The following C1QTNF3 variants were observed in gnomAD, a reference collection of about 807,000 sequenced individuals.
C1QTNF3 encodes the protein complement C1q tumor necrosis factor-related protein 3.
C1QTNF3 carries 26 observed loss-of-function variants against 32.6 expected under a neutral mutation model. That is an observed-to-expected ratio of 0.80 (90% CI 0.58 to 1.11). The LOEUF (loss-of-function observed/expected upper bound fraction) is 1.11. Among genes scored for constraint, C1QTNF3 ranks in the 50% least tolerant of loss-of-function variants. The pLI, the probability that C1QTNF3 is intolerant of heterozygous loss-of-function variation, is 0.00. For missense variants in C1QTNF3, 362 were observed against 398.2 expected (o/e 0.91, Z 0.77); for synonymous variants, 155 against 146.0 (o/e 1.06, Z -0.44).
chr5:34,170,159 T>C, the C1QTNF3 span, among the ~76,000 whole-genome samples: 17 of 152,268 alleles, frequency 1.1e-4, no homozygotes, highest in African/African-American at 3.8e-4. Context: ...AGGGATCTTA[T>C]GCTAAGTGAA....
the C1QTNF3 span, chr5:34,175,954 G>A: frequency 3.9e-5 from 32 of 826,394 alleles, no homozygotes; most frequent in Middle Eastern, 6.9e-4. Flanking sequence ...ATCAGAGGTG[G>A]ATCCTGGGAA....
the C1QTNF3 span, among the ~76,000 whole-genome samples, chr5:34,064,456 A>C: frequency 7.0e-4 from 107 of 152,278 alleles, no homozygotes; most frequent in African/African-American, 2.5e-3. Context: ...TGAGTGTTAT[A>C]GCTCTATTAG....
chr5:34,212,231 T>C, the C1QTNF3 span, among the ~76,000 whole-genome samples: 1 of 151,716 alleles, frequency 6.6e-6, no homozygotes, highest in East Asian at 1.9e-4. Context: ...ATCCCTTCCT[T>C]ACACCTTATA....
the C1QTNF3 span, among the ~76,000 whole-genome samples, chr5:34,213,175 C>A: frequency 6.6e-6 from 1 of 151,950 alleles, no homozygotes; most frequent in Non-Finnish European, 1.5e-5. Flanking sequence ...CACATAACAA[C>A]GTTTACATCA....
At chr5:34,127,347 T>C in the C1QTNF3 span, among the ~76,000 whole-genome samples, 4 of 152,046 alleles carry the variant, frequency 2.6e-5, no homozygotes, top group Admixed American at 1.3e-4. Context: ...AAAATGTCGA[T>C]AGTGATATGG....
At chr5:34,219,732 G>A in the C1QTNF3 span, among the ~76,000 whole-genome samples, 1 of 152,096 alleles carries the variant, frequency 6.6e-6, no homozygotes, top group African/African-American at 2.4e-5. Flanking sequence ...AGGGAAAAAT[G>A]GACATTCAGT....
chr5:34,106,519 A>T, the C1QTNF3 span, among the ~76,000 whole-genome samples: 1 of 137,036 alleles, frequency 7.3e-6, no homozygotes, highest in African/African-American at 2.8e-5. Flanking sequence ...AACTATAAAG[A>T]GCAGAGATAA....
the C1QTNF3 span, among the ~76,000 whole-genome samples, chr5:34,084,248 G>A: frequency 6.6e-6 from 1 of 151,654 alleles, no homozygotes; most frequent in Non-Finnish European, 1.5e-5. Flanking sequence ...TATTTTAGTG[G>A]GAATGTTGTG....
chr5:34,130,162 T>C, the C1QTNF3 span, among the ~76,000 whole-genome samples: 1 of 151,854 alleles, frequency 6.6e-6, no homozygotes, highest in Non-Finnish European at 1.5e-5. Flanking sequence ...TACATACATA[T>C]ATAAATATAT....
At chr5:34,241,984 G>GGAAA in the C1QTNF3 span, among the ~76,000 whole-genome samples, 1 of 147,612 alleles carries the variant, frequency 6.8e-6, no homozygotes, top group African/African-American at 2.5e-5. Flanking sequence ...AAGGAAGGAA[G>GGAAA]GAAGGAAGGA....
chr5:34,171,199 T>TAC, the C1QTNF3 span, among the ~76,000 whole-genome samples: 6 of 152,080 alleles, frequency 3.9e-5, no homozygotes, highest in African/African-American at 1.4e-4. Context: ...CAGGGTAGTT[T>TAC]TAGAGTTCAG....
chr5:34,217,002 TTG>T, the C1QTNF3 span, among the ~76,000 whole-genome samples: 2 of 152,090 alleles, frequency 1.3e-5, no homozygotes, highest in South Asian at 4.1e-4. Context: ...AGAAAAATTA[TTG>T]TTTTTATTAT....
chr5:34,047,994 G>A (rs537797494), upstream of C1QTNF3, among the ~76,000 whole-genome samples: 130 of 152,260 alleles, frequency 8.5e-4, no homozygotes, highest in Non-Finnish European at 1.4e-3. Flanking sequence ...TACAATTTTG[G>A]TGGAATTACA....
chr5:34,095,670 C>T, the C1QTNF3 span, among the ~76,000 whole-genome samples: 9 of 151,224 alleles, frequency 6.0e-5, no homozygotes, highest in African/African-American at 1.5e-4. Context: ...AGAACATAAT[C>T]GATACTTCTT....
the C1QTNF3 span, among the ~76,000 whole-genome samples, chr5:34,154,273 G>A: frequency 1.6e-3 from 241 of 152,220 alleles, 1 homozygote; most frequent in African/African-American, 5.5e-3. Context: ...GCAATGTACT[G>A]AATCTGGGAT....
chr5:34,132,430 T>G, the C1QTNF3 span, among the ~76,000 whole-genome samples: 1 of 36,234 alleles, frequency 2.8e-5, no homozygotes, highest in Non-Finnish European at 6.4e-5. Context: ...TATGTGTATG[T>G]GTATGTATAT....
At chr5:34,066,401 A>G in the C1QTNF3 span, among the ~76,000 whole-genome samples, 1 of 152,240 alleles carries the variant, frequency 6.6e-6, no homozygotes, top group Non-Finnish European at 1.5e-5. Context: ...CAAATAATGA[A>G]TTCATAACAA....
At chr5:34,189,855 C>T in the C1QTNF3 span, among the ~76,000 whole-genome samples, 2 of 152,202 alleles carry the variant, frequency 1.3e-5, no homozygotes, top group Admixed American at 1.3e-4. Context: ...CTACAAACAC[C>T]CGGACACTCG....
chr5:34,083,518 A>C, the C1QTNF3 span, among the ~76,000 whole-genome samples: 1 of 151,694 alleles, frequency 6.6e-6, no homozygotes, highest in African/African-American at 2.4e-5. Flanking sequence ...GTAAAAAAAA[A>C]AAAAAATCCA....
Sources: allele counts gnomAD v4.1 joint callset (sites outside exome capture counted in the v4.1 genomes callset), GRCh38; gene constraint gnomAD v4.1.1; transcripts MANE v1.5; gene names NCBI Gene and HGNC (gene_info 2026-07-23, HGNC 2026-07-21).